Variants in FAXC observed in about 807,000 individuals in gnomAD.
The protein encoded by FAXC is failed axon connections homolog, metaxin like GST domain containing, also known as failed axon connections homolog.
FAXC carries 10 observed loss-of-function variants against 41.9 expected under a neutral mutation model. The observed-to-expected ratio is 0.24, with a 90% CI of 0.15 to 0.41. The LOEUF (loss-of-function observed/expected upper bound fraction) is 0.41, where lower values mean the gene tolerates loss of function less well. Among genes scored for constraint, FAXC ranks in the 10% least tolerant of loss-of-function variants. The pLI, the probability that FAXC is intolerant of heterozygous loss-of-function variation, is 1.00. For missense variants in FAXC, 399 were observed against 510.9 expected (o/e 0.78, Z 2.11); for synonymous variants, 183 against 183.8 (o/e 1.00, Z 0.03).
chr6:99,289,732 T>G (rs1024640568), intron 5 of FAXC, among the ~76,000 whole-genome samples: 1 of 151,014 alleles, frequency 6.6e-6, no homozygotes, highest in East Asian at 2.0e-4. Flanking sequence ...TATATATATA[T>G]AGTCCAAAAT....
At chr6:99,300,676 T>A (rs1771670438) in intron 4 of FAXC, among the ~76,000 whole-genome samples, 1 of 152,180 alleles carries the variant, frequency 6.6e-6, no homozygotes, top group African/African-American at 2.4e-5. Flanking sequence ...ATCACTCAAT[T>A]CAAACTGCAT....
intron 4 of FAXC, among the ~76,000 whole-genome samples, chr6:99,307,745 A>G: frequency 6.6e-6 from 1 of 152,112 alleles, no homozygotes; most frequent in Non-Finnish European, 1.5e-5. Context: ...CACTGCTGTG[A>G]GGTGCTGGAC....
At position 99,349,263 on chromosome 6, in the gene FAXC, G is replaced by A. The variant is rs746683390; in HGVS notation, c.110C>T (p.Ser37Phe). ...GAAAGCGATGATGTCCCCATAAAAG[G>A]AGAAGGGCTCCTCGGACCCGGCCCA... ...GWWAGSEEPF[S>F]FYGDIIAFPL... The change falls in exon 1 of 6, where the codon TCC becomes TTC. Residue 37 changes from serine to phenylalanine, a missense_variant. Physicochemically the swap from Ser to Phe is radical, Grantham distance 155. Coordinates refer to ENST00000389677, the MANE Select transcript of FAXC (RefSeq NM_032511.4). 6 of 1,613,682 alleles carry A rather than the reference G, an allele frequency of 3.7e-6. No homozygotes were observed. Among genetic ancestry groups the A allele is most frequent in the Admixed American group, 3.3e-5 (2 of 60,010 alleles).
chr6:99,344,086 C>G (rs1773512203), intron 1 of FAXC, among the ~76,000 whole-genome samples: 1 of 152,190 alleles, frequency 6.6e-6, no homozygotes, highest in Admixed American at 6.5e-5. Context: ...CCACGTTAGC[C>G]TAGATCTCTC....
In FAXC at chr6:99,280,752, G is replaced by C. The variant is rs1459622250; in HGVS notation, c.*412C>G. On this transcript the variant is annotated 3_prime_UTR_variant, in exon 6 of 6. Coordinates refer to ENST00000389677, the MANE Select transcript of FAXC (RefSeq NM_032511.4). ...AGCAGCCACCGTAAAACATTTTTCT[G>C]ATGATATCTCTCATTACTTCAAATC... is the stretch of plus-strand genomic sequence containing the variant. The C allele has an allele frequency of 2.1e-5, 4 of 191,720 alleles. No homozygotes were observed. Among genetic ancestry groups the C allele is most frequent in the Non-Finnish European group, 4.4e-5 (4 of 91,590 alleles). The allele number at this position is 191,720 out of a possible 1,614,324, so 11.9% of individuals were successfully genotyped here.
Position 99,300,414 on chromosome 6 carries a change from A to G in FAXC, c.824-8594T>C, listed in dbSNP as rs1469155532. Among the ~76,000 whole-genome samples the G allele has an allele frequency of 3.9e-5, 6 of 152,236 alleles. No homozygotes were observed. The South Asian group carries it at 8.3e-4, about 21-fold the overall frequency. ...GCCTACTCAGGCTCACTTACAATTTAGCATCACTAAACAGCTCCCGGAAGT... is the reference window on the plus strand; with the variant it reads ...GCCTACTCAGGCTCACTTACAATTTGGCATCACTAAACAGCTCCCGGAAGT... On this transcript the variant is annotated intron_variant, in intron 4 of 5. Transcript: ENST00000389677.
At position 99,347,079 on chromosome 6, in the gene FAXC, T is replaced by G. The variant is rs117590508; in HGVS notation, c.266+2028A>C. 2.0e-5 allele frequency among the ~76,000 whole-genome samples: 3 copies of G among 151,618 alleles called. No homozygotes were observed. The East Asian group carries it at 5.8e-4, about 29-fold the overall frequency. ...GAGTTTGAGACAAGCCTGGGCAACA[T>G]AGTGAGACCCCATCTCCACAAAAAA... On this transcript the variant is annotated intron_variant, in intron 1 of 5. Coordinates refer to ENST00000389677, the MANE Select transcript of FAXC (RefSeq NM_032511.4).
chr6:99,317,755 CTG>C (rs1386487428), intron 4 of FAXC, among the ~76,000 whole-genome samples: 1 of 152,196 alleles, frequency 6.6e-6, no homozygotes, highest in African/African-American at 2.4e-5. Context: ...CTGGGGATCT[CTG>C]TGTTAACATG....
At chr6:99,332,831 T>C (rs2128462664) in intron 3 of FAXC, among the ~76,000 whole-genome samples, 1 of 152,330 alleles carries the variant, frequency 6.6e-6, no homozygotes, top group Non-Finnish European at 1.5e-5. Context: ...TATACAGTAT[T>C]GGTAAAAAGC....
At chr6:99,300,120 C>CT (rs1301647619) in intron 4 of FAXC, among the ~76,000 whole-genome samples, 1 of 152,190 alleles carries the variant, frequency 6.6e-6, no homozygotes, top group African/African-American at 2.4e-5. Context: ...CACCATCACT[C>CT]TGTCTCTTTG....
Position 99,280,957 on chromosome 6 carries a change from T to C in FAXC, c.*207A>G. Reference sequence around the variant, plus strand: ...TCAGGAACCATGCTGACATTATTTTTTGCCTGTTTGTTTTCAATGGAGTCA... The same window carrying C: ...TCAGGAACCATGCTGACATTATTTTCTGCCTGTTTGTTTTCAATGGAGTCA... On this transcript the variant is annotated 3_prime_UTR_variant, in exon 6 of 6. Transcript: ENST00000389677. 2 of 524,802 alleles carry C rather than the reference T, an allele frequency of 3.8e-6. No homozygotes were observed. Among genetic ancestry groups the C allele is most frequent in the South Asian group, 5.4e-5 (2 of 37,342 alleles). 32.5% of individuals were successfully genotyped at this position (524,802 alleles called of 1,614,324 possible).
chr6:99,314,477 G>A (rs565298155), intron 4 of FAXC, among the ~76,000 whole-genome samples: 6 of 152,308 alleles, frequency 3.9e-5, no homozygotes, highest in South Asian at 2.1e-4. Flanking sequence ...AGGACAATGA[G>A]GCAGAAGGAT....
At chr6:99,318,306 C>CACACACAAAAAAA (rs147852055) in intron 4 of FAXC, among the ~76,000 whole-genome samples, 1 of 135,318 alleles carries the variant, frequency 7.4e-6, no homozygotes, top group Non-Finnish European at 1.6e-5. Context: ...CACACACACA[C>CACACACAAAAAAA]AAAATAGAAG....
intron 4 of FAXC, among the ~76,000 whole-genome samples, chr6:99,313,237 G>C (rs1335890195): frequency 6.6e-6 from 1 of 152,204 alleles, no homozygotes; most frequent in Non-Finnish European, 1.5e-5. Context: ...AGGCTTCAGT[G>C]ACCTATGATT....
At chr6:99,304,217 C>T (rs1183564505) in intron 4 of FAXC, among the ~76,000 whole-genome samples, 1 of 151,978 alleles carries the variant, frequency 6.6e-6, no homozygotes, top group Non-Finnish European at 1.5e-5. Flanking sequence ...ATCCAGGAGG[C>T]AGAGGTTGCA....
At chr6:99,288,859 T>TACACACACACATACACACAC (rs1771122849) in intron 5 of FAXC, among the ~76,000 whole-genome samples, 5 of 145,736 alleles carry the variant, frequency 3.4e-5, no homozygotes, top group African/African-American at 1.3e-4. Context: ...CACACACACA[T>TACACACACACATACACACAC]ACACACACAC....
chr6:99,311,761 A>G (rs1464755976), intron 4 of FAXC, among the ~76,000 whole-genome samples: 3 of 152,052 alleles, frequency 2.0e-5, no homozygotes, highest in Admixed American at 1.3e-4. Context: ...AGTCCTCCCA[A>G]TTGTGGACAG....
chr6:99,322,430 C>G (rs1772628189), intron 4 of FAXC, among the ~76,000 whole-genome samples: 1 of 152,162 alleles, frequency 6.6e-6, no homozygotes, highest in Non-Finnish European at 1.5e-5. Context: ...ACGAGGTGGT[C>G]TTCAACAAAA....
At chr6:99,316,499 C>A (rs1161651156) in intron 4 of FAXC, among the ~76,000 whole-genome samples, 1 of 152,050 alleles carries the variant, frequency 6.6e-6, no homozygotes, top group East Asian at 1.9e-4. Context: ...CAATGTGGCA[C>A]CTGCCTTTCC....
Sources: allele counts gnomAD v4.1 joint callset (sites outside exome capture counted in the v4.1 genomes callset), GRCh38; gene constraint gnomAD v4.1.1; transcripts MANE v1.5; gene names NCBI Gene and HGNC (gene_info 2026-07-23, HGNC 2026-07-21).